The following ASMT variants were observed in gnomAD, a reference collection of about 807,000 sequenced individuals.
The protein encoded by ASMT is acetylserotonin O-methyltransferase, also known as acetylserotonin N-methyltransferase.
A neutral mutation model predicts 41.3 loss-of-function variants in ASMT; 53 were observed. That is an observed-to-expected ratio of 1.28 (90% CI 1.03 to 1.61). The LOEUF is 1.61. Among genes scored for constraint, ASMT ranks in the 40% most tolerant of loss-of-function variants. ASMT has a pLI of 0.00. For missense variants in ASMT, 531 were observed against 441.3 expected, an observed-to-expected ratio of 1.20 and a Z score of -1.82; for synonymous variants, 231 against 184.8, an observed-to-expected ratio of 1.25 and a Z score of -2.03.
intron 1 of ASMT, among the ~76,000 whole-genome samples, chrX:1,618,863 C>T (rs1462287053): frequency 1.3e-4 from 20 of 152,170 alleles, no homozygotes; most frequent in African/African-American, 3.1e-4. Flanking sequence ...CAAAGACTGT[C>T]GCTGGTTCAC....
intron 3 of ASMT, 75 bp from the exon 4 acceptor site, chrX:1,627,628 T>C (rs866657204): frequency 5.3e-6 from 7 of 1,319,316 alleles, no homozygotes; most frequent in Admixed American, 3.5e-5. Context: ...TGAAACGAAA[T>C]GAAACGAAAT....
chrX:1,616,162 G>C (rs1934094587), intron 1 of ASMT, among the ~76,000 whole-genome samples: 1 of 145,486 alleles, frequency 6.9e-6, no homozygotes. Context: ...CCGAGTATCT[G>C]GGATTACAGG....
intron 8 of ASMT, 152 bp from the exon 9 acceptor site, chrX:1,642,651 C>A (rs1175962125): frequency 2.8e-5 from 20 of 711,312 alleles, no homozygotes; most frequent in Non-Finnish European, 4.8e-5. Flanking sequence ...TCCTGATGAT[C>A]GATGAGGACG....
At chrX:1,626,580 G>T (rs1223423287) in intron 3 of ASMT, among the ~76,000 whole-genome samples, 1 of 152,086 alleles carries the variant, frequency 6.6e-6, no homozygotes, top group Non-Finnish European at 1.5e-5. Context: ...CCAGAGTCAG[G>T]TTGGAAAGTG....
At chrX:1,636,934 TCCCAGC>T (rs1305369213) in intron 8 of ASMT, among the ~76,000 whole-genome samples, 3 of 104,516 alleles carry the variant, frequency 2.9e-5, no homozygotes, top group Non-Finnish European at 4.0e-5. Flanking sequence ...GGGGACAGTG[TCCCAGC>T]TCTCCTGTGA....
At position 1,623,192 on chromosome X, in the gene ASMT, A is replaced by T. The variant is rs1464550650; in HGVS notation, c.123A>T (p.Pro41=). 6.2e-7 allele frequency: 1 copy of T among 1,613,334 alleles called. No individual in the cohort carries two copies. ...LGVFDLLAEA[P]GPLDVAAVAA... ...TGTTTGACCTTCTCGCCGAGGCCCC[A>T]GGGCCCCTGGACGTGGCGGCAGTGG... is the stretch of plus-strand genomic sequence containing the variant. Residue 41 remains proline, a synonymous_variant, in exon 2 of 9, where the codon CCA becomes CCT. Transcript: ENST00000381241.
At chrX:1,627,905 C>G in intron 4 of ASMT, 134 bp downstream of exon 4, 2 of 866,486 alleles carry the variant, frequency 2.3e-6, no homozygotes, top group South Asian at 1.4e-5. Context: ...AATAACATCC[C>G]CTATCCCCAC....
chrX:1,641,245 GTT>G (rs1935141816), intron 8 of ASMT, among the ~76,000 whole-genome samples: 4 of 3,688 alleles, frequency 1.1e-3, no homozygotes, highest in Non-Finnish European at 1.7e-3. Flanking sequence ...CCTCCTGATG[GTT>G]CATGAGGATG....
At position 1,636,994 on chromosome X, in the gene ASMT, C is replaced by CTT. The variant is rs1556135857; in HGVS notation, c.910+435_910+436insTT. On this transcript the variant is annotated intron_variant, in intron 8 of 8. Transcript: ENST00000381241. ...GCACATGAGGATGTGGGCACAGCCT[C>CTT]TGTGTGTGATGGGGACAGTGTCCCA... Among the ~76,000 whole-genome samples the CTT allele has an allele frequency of 4.1e-4, 23 of 55,574 alleles. 1 individual carries two copies. The highest frequency in any genetic ancestry group is 6.0e-4 in the Non-Finnish European group (17 of 28,192). The allele number at this position is 55,574 out of a possible 152,430, so 36.5% of individuals were successfully genotyped here.
intron 1 of ASMT, 58 bp downstream of exon 1, chrX:1,615,326 C>G (rs140884933): frequency 2.4e-4 from 356 of 1,455,360 alleles, no homozygotes; most frequent in Non-Finnish European, 3.1e-4. Context: ...CACTCACGTT[C>G]CATTGTTGTG....
rs1303441767 is a variant in ASMT at position 1,627,664 on chromosome X, G to C, written c.375-39G>C. ...GAAATGAAATGAAATGAAATGAAAT[G>C]AAATGAAATGAAAATCAGCCTTCTC... On this transcript the variant is annotated intron_variant, in intron 3 of 8. Coordinates refer to ENST00000381241, the MANE Select transcript of ASMT (RefSeq NM_001171038.2). 3 of 1,264,596 alleles carry C rather than the reference G, an allele frequency of 2.4e-6. No homozygotes were observed. The African/African-American group carries it at 6.5e-5, about 27-fold the overall frequency. The allele number at this position is 1,264,596 out of a possible 1,614,324, so 78.3% of individuals were successfully genotyped here.
At chrX:1,617,240 T>C (rs1934168425) in intron 1 of ASMT, among the ~76,000 whole-genome samples, 1 of 151,302 alleles carries the variant, frequency 6.6e-6, no homozygotes, top group African/African-American at 2.4e-5. Flanking sequence ...GGGTCCAAGG[T>C]GGGCGGATCA....
intron 5 of ASMT, among the ~76,000 whole-genome samples, chrX:1,632,323 C>T (rs1934805132): frequency 6.6e-6 from 1 of 152,122 alleles, no homozygotes; most frequent in South Asian, 2.1e-4. Flanking sequence ...TGTAGACAAT[C>T]ACGTCACCGT....
chrX:1,615,589 G>C (rs1195502155), intron 1 of ASMT, among the ~76,000 whole-genome samples: 1 of 151,900 alleles, frequency 6.6e-6, no homozygotes, highest in East Asian at 1.9e-4. Context: ...GATCACCTGA[G>C]GTCGGGAGTT....
At chrX:1,620,654 A>G (rs1934304625) in intron 1 of ASMT, among the ~76,000 whole-genome samples, 1 of 151,712 alleles carries the variant, frequency 6.6e-6, no homozygotes, top group Non-Finnish European at 1.5e-5. Flanking sequence ...CAACTAATAC[A>G]CTTTGGGAGA....
chrX:1,634,096 G>A (rs1347573880), intron 7 of ASMT, among the ~76,000 whole-genome samples: 2 of 151,258 alleles, frequency 1.3e-5, no homozygotes, highest in African/African-American at 2.5e-5. Context: ...CTGCAGTGAA[G>A]GGTGTGGCCA....
chrX:1,633,949 T>G lies in ASMT; in HGVS notation c.787+659T>G, dbSNP rs1166371306. On this transcript the variant is annotated intron_variant, in intron 7 of 8. Transcript: ENST00000381241. ...CATCACACCCGGCCTCTTTTTGTAT[T>G]TTTAGTAGAGATGGGGTTTCACCGT... Among the ~76,000 whole-genome samples, 3 of 152,076 alleles carry G rather than the reference T, an allele frequency of 2.0e-5. No individual in the cohort carries two copies. The East Asian group carries it at 5.8e-4, about 29-fold the overall frequency.
chrX:1,623,796 C>T (rs1339160019), intron 2 of ASMT, among the ~76,000 whole-genome samples: 2 of 151,760 alleles, frequency 1.3e-5, no homozygotes, highest in South Asian at 2.1e-4. Flanking sequence ...CTCCTGACCT[C>T]AGGTGATCCA....
chrX:1,625,754 A>T (rs1270494863), intron 3 of ASMT, among the ~76,000 whole-genome samples: 1 of 151,554 alleles, frequency 6.6e-6, no homozygotes, highest in Non-Finnish European at 1.5e-5. Context: ...GGAGATCGAG[A>T]CCATCCTGGC....
Sources: gnomAD v4.1 joint callset for allele counts (sites outside exome capture counted in the v4.1 genomes callset) on GRCh38, gnomAD v4.1.1 for gene constraint, MANE v1.5 for transcripts, NCBI Gene and HGNC (gene_info 2026-07-23, HGNC 2026-07-21) for gene names.